SRPK1: variants seen among roughly 807,000 people sequenced by gnomAD.
SRPK1 encodes the protein SFRS protein kinase 1.
Under a neutral mutation model 89.5 loss-of-function variants are expected in SRPK1, and 52 were observed. The observed-to-expected ratio is 0.58, with a 90% confidence interval of 0.46 to 0.73. The LOEUF (loss-of-function observed/expected upper bound fraction) is 0.73, where lower values mean the gene tolerates loss of function less well. Ranked by LOEUF, SRPK1 falls within the 30% of genes least tolerant of loss-of-function variation. The pLI is 0.00. For missense variants in SRPK1, 603 were observed against 780.6 expected (o/e 0.77, Z 2.71); for synonymous variants, 255 against 270.2 (o/e 0.94, Z 0.55).
At chr6:35,870,005 T>A (rs1769996043) in intron 10 of SRPK1, 104 bp from the exon 11 acceptor site, 2 of 1,308,854 alleles carry the variant, frequency 1.5e-6, no homozygotes, top group Non-Finnish European at 2.1e-6. Flanking sequence ...TTATACTGAG[T>A]GACATAAAAA....
chr6:35,846,926 G>GA (rs1436681011), intron 13 of SRPK1, among the ~76,000 whole-genome samples: 33 of 152,228 alleles, frequency 2.2e-4, no homozygotes, highest in African/African-American at 7.7e-4. Context: ...ATTAGATGGA[G>GA]AAAATGCATG....
chr6:35,898,971 G>A (rs1770684396), intron 2 of SRPK1, among the ~76,000 whole-genome samples: 1 of 152,082 alleles, frequency 6.6e-6, no homozygotes, highest in South Asian at 2.1e-4. Flanking sequence ...GACCAGCCTA[G>A]CCAACATGGT....
intron 2 of SRPK1, among the ~76,000 whole-genome samples, chr6:35,905,556 G>T (rs576524036): frequency 1.3e-5 from 2 of 152,298 alleles, no homozygotes; most frequent in East Asian, 3.9e-4. Flanking sequence ...TGAGAAATTA[G>T]GTGGTAGCAT....
intron 2 of SRPK1, among the ~76,000 whole-genome samples, chr6:35,915,392 G>A (rs1771065396): frequency 1.6e-5 from 2 of 122,516 alleles, no homozygotes; most frequent in African/African-American, 3.1e-5. Flanking sequence ...GGACGACAGA[G>A]CAAGACACCG....
intron 12 of SRPK1, among the ~76,000 whole-genome samples, chr6:35,858,660 C>T (rs1220623270): frequency 6.6e-6 from 1 of 152,158 alleles, no homozygotes; most frequent in Non-Finnish European, 1.5e-5. Context: ...GTGCAAATCC[C>T]ACCCTTCCCC....
At chr6:35,906,229 ATTATT>A (rs1770845734) in intron 2 of SRPK1, among the ~76,000 whole-genome samples, 1 of 151,992 alleles carries the variant, frequency 6.6e-6, no homozygotes, top group African/African-American at 2.4e-5. Flanking sequence ...CACGAATTTT[ATTATT>A]TTTTTTTTGA....
chr6:35,870,356 G>C lies in SRPK1; in HGVS notation c.916C>G (p.Gln306Glu), dbSNP rs1462682664. 1 of 1,612,144 alleles carries C rather than the reference G, an allele frequency of 6.2e-7. No homozygotes were observed. Among genetic ancestry groups the C allele is most frequent in the African/African-American group, 1.3e-5 (1 of 74,904 alleles). The change falls in exon 10 of 16, where the codon CAA (glutamine) becomes GAA (glutamate). Residue 306 changes from glutamine to glutamate, a missense_variant. Gln to Glu is a conservative substitution (Grantham distance 29, BLOSUM62 2). Transcript: ENST00000373825. ...TCAACAGGACTCTCTGATTCTTCTT[G>C]CTTGTTTGGTCTTTTTTGCCCAGGG... ...SGPGQKRPNK[Q>E]EESESPVERP...
At chr6:35,900,017 T>G (rs1770708913) in intron 2 of SRPK1, among the ~76,000 whole-genome samples, 1 of 149,220 alleles carries the variant, frequency 6.7e-6, no homozygotes, top group Admixed American at 6.7e-5. Flanking sequence ...AAAATAATAA[T>G]AATAAAAAAA....
intron 1 of SRPK1, 116 bp from the exon 2 acceptor site, chr6:35,920,644 C>A: frequency 1.3e-6 from 1 of 796,808 alleles, no homozygotes; most frequent in Non-Finnish European, 1.7e-6. Flanking sequence ...TCGGGGGCGG[C>A]TGCGGGCTCC....
At chr6:35,838,250 AT>A (rs1465570494) in intron 15 of SRPK1, 86 bp downstream of exon 15, 7 of 895,718 alleles carry the variant, frequency 7.8e-6, no homozygotes, top group Non-Finnish European at 1.1e-5. Flanking sequence ...CAGGCCCATC[AT>A]TCTGTAGGAC....
At chr6:35,883,489 T>C (rs541114745) in intron 6 of SRPK1, among the ~76,000 whole-genome samples, 12 of 152,278 alleles carry the variant, frequency 7.9e-5, no homozygotes, top group African/African-American at 2.4e-4. Flanking sequence ...TAAAATAGGA[T>C]TGTAAAGCTA....
chr6:35,880,742 A>AAAGAAAGAAAG lies in SRPK1; in HGVS notation c.478+5981_478+5982insCTTTCTTTCTT, dbSNP rs1554152655. ...CTCAAAAAAAAAAAAAAAGAAAAAA[A>AAAGAAAGAAAG]AAAAAAAAGAAAAGAAAAGAAGAAG... On this transcript the variant is annotated intron_variant, in intron 6 of 15. Coordinates refer to ENST00000373825, the MANE Select transcript of SRPK1 (RefSeq NM_003137.5). 8.9e-4 allele frequency among the ~76,000 whole-genome samples: 25 copies of AAAGAAAGAAAG among 28,188 alleles called. 1 individual carries two copies. Among genetic ancestry groups the AAAGAAAGAAAG allele is most frequent in the East Asian group, 2.0e-3 (2 of 988 alleles). 18.5% of individuals were successfully genotyped at this position (28,188 alleles called of 152,430 possible).
rs1769155946 is a variant in SRPK1 at position 35,835,365 on chromosome 6, A to G, written c.1907T>C (p.Leu636Pro). 1 of 1,613,878 alleles carries G rather than the reference A, an allele frequency of 6.2e-7. No individual in the cohort carries two copies. Reference sequence around the variant, plus strand: ...GGCAGTGGCTCTCTTCTCAGGGATCAGCTCCAACATGGGCAGTAAGAAATC... The same window carrying G: ...GGCAGTGGCTCTCTTCTCAGGGATCGGCTCCAACATGGGCAGTAAGAAATC... ...FTDFLLPMLE[L>P]IPEKRATAAE... Residue 636 changes from leucine to proline, a missense_variant, in exon 16 of 16, where the codon CTG becomes CCG. Transcript: ENST00000373825.
At chr6:35,858,697 A>C (rs768358802) in intron 12 of SRPK1, among the ~76,000 whole-genome samples, 3 of 152,068 alleles carry the variant, frequency 2.0e-5, no homozygotes, top group South Asian at 2.1e-4. Context: ...CTTTCTCAGG[A>C]AACTATTGCT....
chr6:35,912,422 A>C (rs1472594291), intron 2 of SRPK1, among the ~76,000 whole-genome samples: 2 of 152,220 alleles, frequency 1.3e-5, no homozygotes, highest in Admixed American at 1.3e-4. Context: ...GAGGGCTCAG[A>C]TGATCCTTAA....
At chr6:35,844,785 GTCA>G (rs1426093482) in intron 13 of SRPK1, among the ~76,000 whole-genome samples, 10 of 151,934 alleles carry the variant, frequency 6.6e-5, no homozygotes, top group African/African-American at 9.7e-5. Context: ...ACCAAAACTT[GTCA>G]ATCATTCCTG....
At position 35,857,373 on chromosome 6, in the gene SRPK1, GA is replaced by G. The variant is rs900643673; in HGVS notation, c.1513-6del. ...ATCTTCAGTGAAATGTTTGTGCTGA[GA>G]AAATGAAGGAAACAATATTTTAAAC... On this transcript the variant is annotated splice_region_variant and splice_polypyrimidine_tract_variant and intron_variant, in intron 12 of 15. Transcript: ENST00000373825. 5 of 1,582,592 alleles carry G rather than the reference GA, an allele frequency of 3.2e-6. No individual in the cohort carries two copies. The African/African-American group carries it at 6.7e-5, about 21-fold the overall frequency.
chr6:35,863,799 T>C (rs1561975720), intron 12 of SRPK1, among the ~76,000 whole-genome samples: 1 of 152,082 alleles, frequency 6.6e-6, no homozygotes, highest in Admixed American at 6.6e-5. Context: ...CAATAAGTAA[T>C]CATGTGAAGG....
intron 12 of SRPK1, 94 bp downstream of exon 12, chr6:35,868,916 G>T: frequency 1.1e-6 from 1 of 916,872 alleles, no homozygotes; most frequent in Non-Finnish European, 1.7e-6. Context: ...TATCAATCTG[G>T]GTACAGAATT....
Sources: allele counts gnomAD v4.1 joint callset (sites outside exome capture counted in the v4.1 genomes callset), GRCh38; gene constraint gnomAD v4.1.1; transcripts MANE v1.5; gene names NCBI Gene and HGNC (gene_info 2026-07-23, HGNC 2026-07-21).